Variants in SLC9A3 observed in about 807,000 individuals in gnomAD.
The protein encoded by SLC9A3 is sodium/hydrogen exchanger 3.
In SLC9A3, 37 loss-of-function variants were observed where a neutral mutation model predicts 86.8. The observed-to-expected ratio is 0.43, with a 90% CI of 0.33 to 0.56. SLC9A3 has a LOEUF of 0.56. Ranked by LOEUF, SLC9A3 falls within the 20% of genes least tolerant of loss-of-function variation. The pLI, the probability that SLC9A3 is intolerant of heterozygous loss-of-function variation, is 0.06. For missense variants in SLC9A3, 1,011 were observed against 1,171.9 expected (o/e 0.86, Z 2.00); for synonymous variants, 581 against 528.3 (o/e 1.10, Z -1.37).
At chr5:485,297 G>C (rs1477428526) in intron 3 of SLC9A3, 66 bp from the exon 4 acceptor site, 3 of 1,338,370 alleles carry the variant, frequency 2.2e-6, no homozygotes, top group African/African-American at 2.9e-5. Context: ...CCGGGGCCCG[G>C]GCCTCGCTGG....
chr5:473,987 C>T (rs567812523), intron 16 of SLC9A3, among the ~76,000 whole-genome samples: 5 of 152,362 alleles, frequency 3.3e-5, no homozygotes, highest in East Asian at 1.9e-4. Context: ...GCCCTAGTGC[C>T]CTCAGCTCCG....
intron 1 of SLC9A3, among the ~76,000 whole-genome samples, chr5:519,751 G>A (rs961196405): frequency 6.6e-6 from 1 of 152,194 alleles, no homozygotes; most frequent in South Asian, 2.1e-4. Context: ...TTAAGGAGGA[G>A]GTGCTGGAAC....
At chr5:473,969 C>T (rs976516802) in intron 16 of SLC9A3, among the ~76,000 whole-genome samples, 6 of 152,364 alleles carry the variant, frequency 3.9e-5, no homozygotes, top group African/African-American at 1.2e-4. Flanking sequence ...TAAAGGAAAT[C>T]TCAGGCGGCC....
intron 1 of SLC9A3, among the ~76,000 whole-genome samples, chr5:514,251 C>G (rs976246503): frequency 3.3e-5 from 5 of 152,126 alleles, no homozygotes; most frequent in Non-Finnish European, 5.9e-5. Context: ...CAGGCAGTCC[C>G]GGTTCCAAGA....
At chr5:474,540 C>CGA (rs2126601488) in intron 16 of SLC9A3, among the ~76,000 whole-genome samples, 1 of 7,808 alleles carries the variant, frequency 1.3e-4, no homozygotes, top group Admixed American at 8.9e-4. Flanking sequence ...AGAGAGACAG[C>CGA]GCGCGCGAGG....
At chr5:495,177 C>A in intron 1 of SLC9A3, among the ~76,000 whole-genome samples, 1 of 152,024 alleles carries the variant, frequency 6.6e-6, no homozygotes, top group Non-Finnish European at 1.5e-5. Flanking sequence ...TTGGTGGCTG[C>A]CGACACTTGG....
chr5:498,733 C>T (rs116186710), intron 1 of SLC9A3, among the ~76,000 whole-genome samples: 2,113 of 152,302 alleles, frequency 0.014, 37 homozygotes, highest in African/African-American at 0.047. Flanking sequence ...TTGTGCCCGC[C>T]GTGGAAGGTT....
rs369206637 is a variant in SLC9A3 at position 483,508 on chromosome 5, C to T, written c.933-26G>A. 71 of 1,524,804 alleles carry T rather than the reference C, an allele frequency of 4.7e-5. No individual in the cohort carries two copies. In the African/African-American group the frequency reaches 8.7e-4, roughly 19 times the overall value. The allele number at this position is 1,524,804 out of a possible 1,614,324, so 94.5% of individuals were successfully genotyped here. ...CTGCAGGGACAGACGCGCCTCAGGA[C>T]ACGGCCACCTGGCCTGGCGCCCGAG... is the stretch of plus-strand genomic sequence containing the variant. On this transcript the variant is annotated intron_variant, in intron 5 of 16. Coordinates refer to ENST00000264938, the MANE Select transcript of SLC9A3 (RefSeq NM_004174.4).
intron 1 of SLC9A3, among the ~76,000 whole-genome samples, chr5:513,373 G>A (rs1733631585): frequency 6.6e-6 from 1 of 152,202 alleles, no homozygotes; most frequent in Non-Finnish European, 1.5e-5. Flanking sequence ...CAGCCGCTGT[G>A]CCGGGACGCA....
chr5:489,958 T>A (rs1739649041), intron 2 of SLC9A3, among the ~76,000 whole-genome samples: 1 of 152,190 alleles, frequency 6.6e-6, no homozygotes, highest in Non-Finnish European at 1.5e-5. Context: ...GCAGGGCCTG[T>A]CCCCACACTG....
chr5:473,019 G>T lies in SLC9A3; in HGVS notation c.*360C>A, dbSNP rs911946035. ...GTGCGGCGGTGCGTGGCACGAGGGCGGCAGCGACGCCAGCTTCAGCAGCGC... is the reference window on the plus strand; with the variant it reads ...GTGCGGCGGTGCGTGGCACGAGGGCTGCAGCGACGCCAGCTTCAGCAGCGC... On this transcript the variant is annotated 3_prime_UTR_variant, in exon 17 of 17. Coordinates refer to ENST00000264938, the MANE Select transcript of SLC9A3 (RefSeq NM_004174.4). 5 of 432,384 alleles carry T rather than the reference G, an allele frequency of 1.2e-5. No individual in the cohort carries two copies. In the South Asian group the frequency reaches 1.6e-4, roughly 14 times the overall value. The allele number at this position is 432,384 out of a possible 1,614,324, so 26.8% of individuals were successfully genotyped here. A position where few individuals can be genotyped will look rare whatever the true frequency, so the allele number is the denominator to read the frequency against.
chr5:507,163 C>CTGCCTTTTTTTTTTTTTTTTT (rs1553999262), intron 1 of SLC9A3, among the ~76,000 whole-genome samples: 2 of 34,754 alleles, frequency 5.8e-5, no homozygotes, highest in Non-Finnish European at 1.1e-4. Context: ...CCGGCTGCTG[C>CTGCCTTTTTTTTTTTTTTTTT]TTCTTTTTTT....
At position 474,989 on chromosome 5, in the gene SLC9A3, A is replaced by G. The variant is rs2247114; in HGVS notation, c.2395T>C (p.Cys799Arg). Residue 799 changes from cysteine to arginine, a missense_variant, in exon 16 of 17, where the codon TGC (cysteine) becomes CGC (arginine). This residue lies in a region of SLC9A3 where 397 missense variants were observed against 346.3 expected (regional missense o/e 1.15). Coordinates refer to ENST00000264938, the MANE Select transcript of SLC9A3 (RefSeq NM_004174.4). ...TQIPYSPGTF[C>R]RLMPFRLSSK... The stretch of plus-strand genomic sequence containing the variant: ...CTGAGGCGGAAGGGCATCAGGCGGC[A>G]GAAGGTGCCGGGAGAGTAGGGAATC... 0.85 allele frequency: 1,376,190 copies of G among 1,610,782 alleles called. 592,594 individuals carry two copies. Among genetic ancestry groups the G allele is most frequent in the Non-Finnish European group, 0.88 (1,036,122 of 1,178,880 alleles).
intron 1 of SLC9A3, among the ~76,000 whole-genome samples, chr5:508,031 C>T (rs576745595): frequency 6.6e-6 from 1 of 152,318 alleles, no homozygotes; most frequent in Admixed American, 6.5e-5. Flanking sequence ...AAATGCCCAC[C>T]CACACCCATG....
intron 15 of SLC9A3, 134 bp from the exon 16 acceptor site, chr5:475,266 A>G: frequency 2.2e-6 from 2 of 906,116 alleles, no homozygotes; most frequent in South Asian, 3.3e-5. Context: ...CGTGCCTTTC[A>G]GGTTGCGGGC....
At position 491,261 on chromosome 5, in the gene SLC9A3, A is replaced by G. The variant is rs1579793291; in HGVS notation, c.514+508T>C. On this transcript the variant is annotated intron_variant, in intron 2 of 16. Coordinates refer to ENST00000264938, the MANE Select transcript of SLC9A3 (RefSeq NM_004174.4). This position sits in a 1 kb window ranked among gnomAD's most constrained non-coding sequence, Gnocchi z 9.2. ...CGCACCTGGCATGTTGAGAGGCGCC[A>G]GCCACGCGTGGTCTGGGTCCGGGGC... Among the ~76,000 whole-genome samples the G allele has an allele frequency of 6.6e-6, 1 of 152,154 alleles. No individual in the cohort carries two copies. The highest frequency in any genetic ancestry group is 6.5e-5 in the Admixed American group (1 of 15,288).
intron 1 of SLC9A3, among the ~76,000 whole-genome samples, chr5:506,557 G>A (rs1254165930): frequency 6.6e-6 from 1 of 152,196 alleles, no homozygotes; most frequent in African/African-American, 2.4e-5. Flanking sequence ...AGACCCCACA[G>A]GTTCCCCACC....
intron 6 of SLC9A3, 22 bp from the exon 7 acceptor site, chr5:482,772 C>T: frequency 6.4e-7 from 1 of 1,567,022 alleles, no homozygotes. Context: ...GGGGCGGGCA[C>T]TCAGCTCCCC....
chr5:480,850 T>A (rs536074457), intron 9 of SLC9A3: 3 of 152,306 alleles, frequency 2.0e-5, no homozygotes, highest in African/African-American at 7.2e-5. Context: ...GTGTCACATG[T>A]TTTTTATAAT....
Sources: gnomAD v4.1 joint callset for allele counts (sites outside exome capture counted in the v4.1 genomes callset) on GRCh38, gnomAD v4.1.1 for gene constraint, gnomAD v4.1.1 regional missense constraint, Gnocchi (gnomAD v3.1) non-coding constraint, MANE v1.5 for transcripts, NCBI Gene and HGNC (gene_info 2026-07-23, HGNC 2026-07-21) for gene names.